Variants in BLTP1 observed in about 807,000 individuals in gnomAD.
BLTP1 encodes bridge-like lipid transfer protein family member 1.
the BLTP1 span, chr4:122,347,615 A>G: frequency 6.2e-7 from 1 of 1,613,920 alleles, no homozygotes; most frequent in South Asian, 1.1e-5. Context: ...ACCTGGGAGC[A>G]GCCAAGTCAG....
the BLTP1 span, chr4:122,189,396 GT>G: frequency 1.0e-6 from 1 of 983,746 alleles, no homozygotes; most frequent in Non-Finnish European, 1.2e-6. Flanking sequence ...GTAGAAAAAC[GT>G]TCATTCCAGA....
chr4:122,268,365 G>C, the BLTP1 span, among the ~76,000 whole-genome samples: 2 of 151,962 alleles, frequency 1.3e-5, no homozygotes, highest in Non-Finnish European at 2.9e-5. Context: ...GTAAAATGTC[G>C]AACTCCTTTG....
chr4:122,350,751 G>A, the BLTP1 span, among the ~76,000 whole-genome samples: 16 of 152,262 alleles, frequency 1.1e-4, no homozygotes, highest in African/African-American at 3.8e-4. Flanking sequence ...GCTAAGATGT[G>A]GGGGAAGAGA....
the BLTP1 span, among the ~76,000 whole-genome samples, chr4:122,263,782 T>C: frequency 6.6e-6 from 1 of 152,190 alleles, no homozygotes; most frequent in South Asian, 2.1e-4. Context: ...CACTCAGTGT[T>C]CTTGTTGAAA....
chr4:122,304,814 C>G, the BLTP1 span: 1 of 1,613,686 alleles, frequency 6.2e-7, no homozygotes, highest in Non-Finnish European at 8.5e-7. Context: ...CAAGTAACGG[C>G]CACTACTCCA....
At chr4:122,324,631 A>T in the BLTP1 span, 3 of 955,072 alleles carry the variant, frequency 3.1e-6, no homozygotes, top group Non-Finnish European at 4.5e-6. Flanking sequence ...TAAAATTAAG[A>T]TAACAAAAAT....
At chr4:122,353,722 G>A in the BLTP1 span, 1 of 1,405,188 alleles carries the variant, frequency 7.1e-7, no homozygotes. This position sits in a 1 kb window ranked among gnomAD's most constrained non-coding sequence, Gnocchi z 4.3. Context: ...TCCTATATAT[G>A]ACAACTGAAT....
At chr4:122,237,230 A>G in the BLTP1 span, 264 of 985,402 alleles carry the variant, frequency 2.7e-4, 4 homozygotes, top group South Asian at 0.011. Context: ...AGGAGGGGGA[A>G]GTTGAGCAAG....
the BLTP1 span, among the ~76,000 whole-genome samples, chr4:122,210,659 A>G: frequency 1.3e-5 from 2 of 152,142 alleles, no homozygotes; most frequent in Non-Finnish European, 2.9e-5. Context: ...GATTCTCTGC[A>G]GGCTGATTTA....
chr4:122,185,451 A>G, the BLTP1 span: 3 of 983,568 alleles, frequency 3.1e-6, no homozygotes, highest in Non-Finnish European at 3.6e-6. Flanking sequence ...TAGTAGAAAC[A>G]AGTGCCTCAT....
chr4:122,267,089 C>T, the BLTP1 span: 13 of 281,734 alleles, frequency 4.6e-5, no homozygotes, highest in African/African-American at 1.1e-4. Context: ...GACGGAGTCT[C>T]GCTCTGTCGC....
At chr4:122,273,245 T>C in the BLTP1 span, 1 of 971,520 alleles carries the variant, frequency 1.0e-6, no homozygotes. Context: ...ACCTACTTTT[T>C]GTTATATACC....
At chr4:122,331,240 G>A in the BLTP1 span, 1 of 1,470,618 alleles carries the variant, frequency 6.8e-7, no homozygotes, top group East Asian at 2.5e-5. Flanking sequence ...TTTACAGACT[G>A]TTGCTCACAT....
At chr4:122,213,925 T>C in the BLTP1 span, among the ~76,000 whole-genome samples, 1 of 152,176 alleles carries the variant, frequency 6.6e-6, no homozygotes, top group South Asian at 2.1e-4. Flanking sequence ...ATTTTTTTGT[T>C]AATGAAGAAA....
chr4:122,304,641 A>G, the BLTP1 span: 2 of 900,292 alleles, frequency 2.2e-6, no homozygotes, highest in African/African-American at 1.8e-5. Flanking sequence ...CTTTATTACA[A>G]TGGTCTGGAA....
the BLTP1 span, chr4:122,353,187 T>C: frequency 7.5e-6 from 12 of 1,605,920 alleles, no homozygotes; most frequent in Non-Finnish European, 1.0e-5. This position sits in a 1 kb window ranked among gnomAD's most constrained non-coding sequence, Gnocchi z 4.3. Context: ...TTTTACTTTC[T>C]CCTATCTTCT....
At chr4:122,181,702 C>G in the BLTP1 span, among the ~76,000 whole-genome samples, 1 of 150,804 alleles carries the variant, frequency 6.6e-6, no homozygotes, top group East Asian at 1.9e-4. Flanking sequence ...AATGGTAGAC[C>G]GATAATGTAC....
chr4:122,203,600 A>G, the BLTP1 span, among the ~76,000 whole-genome samples: 1 of 151,880 alleles, frequency 6.6e-6, no homozygotes, highest in Admixed American at 6.6e-5. Flanking sequence ...AGATTATTTG[A>G]TAAGACTATC....
the BLTP1 span, chr4:122,170,812 A>G: frequency 2.0e-6 from 2 of 1,016,836 alleles, no homozygotes; most frequent in Non-Finnish European, 2.9e-6. Context: ...CAGATTTTAA[A>G]CAGTGGTTGA....
Sources: allele counts gnomAD v4.1 joint callset (sites outside exome capture counted in the v4.1 genomes callset), GRCh38; gene constraint gnomAD v4.1.1; non-coding constraint Gnocchi (gnomAD v3.1); transcripts MANE v1.5; gene names NCBI Gene and HGNC (gene_info 2026-07-23, HGNC 2026-07-21).